The following RPA3 variants were observed in gnomAD, a reference collection of about 807,000 sequenced individuals.
The protein encoded by RPA3 is replication protein A 14 kDa subunit.
In RPA3, 24 loss-of-function variants were observed where a neutral mutation model predicts 13.7. That is an observed-to-expected ratio of 1.75 (90% CI 1.27 to 2.46). RPA3 has a LOEUF of 2.46. Ranked by LOEUF, RPA3 falls within the 30% of genes most tolerant of loss-of-function variation. The pLI is 0.00. For missense variants in RPA3, 183 were observed against 151.0 expected, an observed-to-expected ratio of 1.21 and a Z score of -1.11; for synonymous variants, 59 against 51.2, an observed-to-expected ratio of 1.15 and a Z score of -0.65.
chr7:7,686,724 C>A (rs1780049740), intron 3 of RPA3, among the ~76,000 whole-genome samples: 1 of 152,166 alleles, frequency 6.6e-6, no homozygotes, highest in African/African-American at 2.4e-5. Context: ...CACTACTAGT[C>A]CCTCAATATC....
chr7:7,705,635 G>A (rs1348598712), intron 2 of RPA3, among the ~76,000 whole-genome samples: 3 of 152,052 alleles, frequency 2.0e-5, no homozygotes, highest in Non-Finnish European at 2.9e-5. Context: ...TGAAACAGTC[G>A]AACTTATTTA....
chr7:7,682,737 C>G (rs985613078), intron 4 of RPA3, among the ~76,000 whole-genome samples: 2 of 152,164 alleles, frequency 1.3e-5, no homozygotes, highest in Non-Finnish European at 2.9e-5. Flanking sequence ...TCCTTACCCA[C>G]GTATCGGGAT....
chr7:7,642,826 C>G (rs1785005019), intron 4 of RPA3, among the ~76,000 whole-genome samples: 3 of 152,152 alleles, frequency 2.0e-5, no homozygotes, highest in Non-Finnish European at 4.4e-5. Flanking sequence ...TAAACACTAT[C>G]TTGAAATTTG....
chr7:7,714,827 C>T (rs1380011562), intron 2 of RPA3, among the ~76,000 whole-genome samples: 2 of 147,412 alleles, frequency 1.4e-5, no homozygotes, highest in Admixed American at 6.7e-5. Flanking sequence ...TTTATTTCCT[C>T]ATGAACTGGT....
intron 4 of RPA3, among the ~76,000 whole-genome samples, chr7:7,678,448 T>A (rs980242346): frequency 2.1e-5 from 3 of 143,046 alleles, no homozygotes; most frequent in African/African-American, 7.6e-5. Context: ...ATATATTTAA[T>A]TTTATATAAT....
intron 4 of RPA3, among the ~76,000 whole-genome samples, chr7:7,675,752 G>GA (rs1320256085): frequency 6.6e-6 from 1 of 152,134 alleles, no homozygotes. Flanking sequence ...CAGTCATGGT[G>GA]AGGAATCACT....
chr7:7,697,065 T>C (rs1187503130), intron 2 of RPA3, among the ~76,000 whole-genome samples: 5 of 152,176 alleles, frequency 3.3e-5, no homozygotes, highest in African/African-American at 1.2e-4. Context: ...AGGAACGGTC[T>C]TGTGGTAGAT....
intron 4 of RPA3, among the ~76,000 whole-genome samples, chr7:7,656,705 C>T (rs891022344): frequency 3.3e-5 from 5 of 152,170 alleles, no homozygotes; most frequent in Non-Finnish European, 1.5e-5. Flanking sequence ...TTTTCTTTAT[C>T]CAGTCTATCA....
intron 4 of RPA3, among the ~76,000 whole-genome samples, chr7:7,676,735 T>C (rs1430388492): frequency 1.3e-5 from 2 of 152,180 alleles, no homozygotes; most frequent in African/African-American, 4.8e-5. Context: ...GAAAACTCCT[T>C]GATGAAGTTG....
At chr7:7,708,351 T>C (rs1234200022) in intron 2 of RPA3, among the ~76,000 whole-genome samples, 1 of 152,224 alleles carries the variant, frequency 6.6e-6, no homozygotes, top group Non-Finnish European at 1.5e-5. Flanking sequence ...GACAAAATTA[T>C]TGATTGCTCA....
intron 2 of RPA3, among the ~76,000 whole-genome samples, chr7:7,691,958 G>A (rs1780182996): frequency 6.6e-6 from 1 of 152,174 alleles, no homozygotes; most frequent in Admixed American, 6.5e-5. Context: ...TTTTATAACT[G>A]TTCCAAAACT....
At chr7:7,653,741 C>T (rs1168718012) in intron 4 of RPA3, among the ~76,000 whole-genome samples, 1 of 152,178 alleles carries the variant, frequency 6.6e-6, no homozygotes, top group African/African-American at 2.4e-5. Context: ...AAAGAAGTCC[C>T]TTTCTTGTAA....
intron 2 of RPA3, among the ~76,000 whole-genome samples, chr7:7,708,566 G>A (rs996457361): frequency 2.0e-5 from 3 of 152,144 alleles, no homozygotes; most frequent in African/African-American, 7.2e-5. Flanking sequence ...TTGAAACATT[G>A]AAAGGAAACC....
intron 4 of RPA3, among the ~76,000 whole-genome samples, chr7:7,681,656 G>T (rs1251070836): frequency 6.6e-6 from 1 of 152,002 alleles, no homozygotes; most frequent in South Asian, 2.1e-4. Flanking sequence ...AAAACAAATT[G>T]CAGTTTTCAT....
At chr7:7,715,978 A>G (rs139325000) in intron 1 of RPA3, among the ~76,000 whole-genome samples, 5 of 152,342 alleles carry the variant, frequency 3.3e-5, no homozygotes, top group African/African-American at 9.6e-5. Flanking sequence ...TTGCTGTTGT[A>G]TATTTGTTTT....
At chr7:7,658,369 G>T (rs757018799) in intron 4 of RPA3, among the ~76,000 whole-genome samples, 43 of 152,224 alleles carry the variant, frequency 2.8e-4, no homozygotes, top group Non-Finnish European at 4.8e-4. Context: ...TGGTGAGAGA[G>T]GGCATCCTTG....
At chr7:7,665,869 A>G (rs1278725188) in intron 4 of RPA3, among the ~76,000 whole-genome samples, 1 of 144,352 alleles carries the variant, frequency 6.9e-6, no homozygotes, top group South Asian at 2.2e-4. Flanking sequence ...ATGTATCACT[A>G]TTTTGTTTCC....
intron 4 of RPA3, among the ~76,000 whole-genome samples, chr7:7,660,682 A>G (rs1785452535): frequency 6.6e-6 from 1 of 152,164 alleles, no homozygotes; most frequent in African/African-American, 2.4e-5. Context: ...TGTTAGTCTG[A>G]TGGACTTCCC....
intron 4 of RPA3, among the ~76,000 whole-genome samples, chr7:7,664,820 T>G (rs1413714776): frequency 6.6e-6 from 1 of 152,238 alleles, no homozygotes; most frequent in Non-Finnish European, 1.5e-5. Context: ...TCCTCTGTAC[T>G]GTATTGGTAT....
Sources: gnomAD v4.1 joint callset for allele counts (sites outside exome capture counted in the v4.1 genomes callset) on GRCh38, gnomAD v4.1.1 for gene constraint, MANE v1.5 for transcripts, NCBI Gene and HGNC (gene_info 2026-07-23, HGNC 2026-07-21) for gene names.